Variants in NHEJ1 observed in about 807,000 individuals in gnomAD.
The protein encoded by NHEJ1 is non-homologous end-joining factor 1.
Under a neutral mutation model 39.4 loss-of-function variants are expected in NHEJ1, and 22 were observed. The ratio of observed to expected loss-of-function variants is 0.56; its 90% CI spans 0.40 to 0.80. The LOEUF (loss-of-function observed/expected upper bound fraction) is 0.80. Ranked by LOEUF, NHEJ1 falls within the 30% of genes least tolerant of loss-of-function variation. The pLI is 0.00. For missense variants in NHEJ1, 329 were observed against 357.1 expected (o/e 0.92, Z 0.63); for synonymous variants, 154 against 135.6 (o/e 1.14, Z -0.94).
At chr2:219,103,169 A>C (rs1375977395) in intron 5 of NHEJ1, among the ~76,000 whole-genome samples, 2 of 144,722 alleles carry the variant, frequency 1.4e-5, no homozygotes, top group Non-Finnish European at 1.5e-5. Flanking sequence ...AAAAGCAAAA[A>C]CGGGAAAAAA....
chr2:219,095,720 T>G (rs1020241794), intron 5 of NHEJ1, among the ~76,000 whole-genome samples: 1 of 151,958 alleles, frequency 6.6e-6, no homozygotes, highest in African/African-American at 2.4e-5. Flanking sequence ...ATAAATGCAA[T>G]CAGAGAGCTA....
intron 5 of NHEJ1, among the ~76,000 whole-genome samples, chr2:219,101,087 T>C (rs1455727890): frequency 6.6e-6 from 1 of 152,182 alleles, no homozygotes; most frequent in Non-Finnish European, 1.5e-5. Context: ...TGGGTAACAG[T>C]GTATCATGGC....
intron 5 of NHEJ1, among the ~76,000 whole-genome samples, chr2:219,130,337 G>C (rs1949566323): frequency 6.6e-6 from 1 of 152,114 alleles, no homozygotes; most frequent in Non-Finnish European, 1.5e-5. Flanking sequence ...TTTCAGGAGA[G>C]AGGGGCTGTA....
At chr2:219,118,596 G>T (rs187775069) in intron 5 of NHEJ1, among the ~76,000 whole-genome samples, 27 of 152,312 alleles carry the variant, frequency 1.8e-4, no homozygotes, top group Admixed American at 5.9e-4. Flanking sequence ...CTCTGTGATG[G>T]CTGTGTCTGT....
At position 219,111,490 on chromosome 2, in the gene NHEJ1, A is replaced by T. The variant is rs901084419; in HGVS notation, c.589-33284T>A. Among the ~76,000 whole-genome samples, 1 of 152,166 alleles carries T rather than the reference A, an allele frequency of 6.6e-6. No individual in the cohort carries two copies. The highest frequency in any genetic ancestry group is 2.4e-5 in the African/African-American group (1 of 41,436). ...TCTCTGTCCCCTGACCCCTAGAAAAAATCTAGTTATCCCACACGCTTGGCC... is the reference window on the plus strand; with the variant it reads ...TCTCTGTCCCCTGACCCCTAGAAAATATCTAGTTATCCCACACGCTTGGCC... On this transcript the variant is annotated intron_variant, in intron 5 of 7. Coordinates refer to ENST00000356853, the MANE Select transcript of NHEJ1 (RefSeq NM_024782.3). The surrounding 1 kb of genome is among the most constrained non-coding windows in gnomAD (Gnocchi z 4.1).
At chr2:219,147,409 G>A (rs911474010) in intron 4 of NHEJ1, among the ~76,000 whole-genome samples, 10 of 152,324 alleles carry the variant, frequency 6.6e-5, no homozygotes, top group African/African-American at 2.2e-4. Context: ...TTGAGCCCAC[G>A]AGGCGGAAGT....
rs1338289879 is a variant in NHEJ1, at chr2:219,071,229, T to C, written c.*5152A>G. ...GTAGGAGGGAAAAGCCAGGATGAAG[T>C]GCCAGTCAAAAGGATCACCCTTCCC... On this transcript the variant is annotated 3_prime_UTR_variant, in exon 8 of 8. Coordinates refer to ENST00000356853, the MANE Select transcript of NHEJ1 (RefSeq NM_024782.3). Among the ~76,000 whole-genome samples the C allele has an allele frequency of 6.6e-6, 1 of 152,158 alleles. No individual in the cohort carries two copies. Among genetic ancestry groups the C allele is most frequent in the African/African-American group, 2.4e-5 (1 of 41,432 alleles).
chr2:219,077,939 C>A, intron 6 of NHEJ1, 150 bp downstream of exon 6: 1 of 683,978 alleles, frequency 1.5e-6, no homozygotes, highest in Non-Finnish European at 2.6e-6. Flanking sequence ...GTGGCTACTG[C>A]AAAAGAGAAA....
intron 5 of NHEJ1, among the ~76,000 whole-genome samples, chr2:219,078,759 C>T (rs927558671): frequency 1.3e-5 from 2 of 152,160 alleles, no homozygotes; most frequent in Admixed American, 6.5e-5. Flanking sequence ...GCTGTCCCAC[C>T]CTCCTTTACT....
intron 5 of NHEJ1, among the ~76,000 whole-genome samples, chr2:219,101,410 C>T (rs1295113208): frequency 8.6e-5 from 13 of 151,856 alleles, no homozygotes; most frequent in East Asian, 5.8e-4. Flanking sequence ...CCACCGCGCC[C>T]GGCCTATTTA....
chr2:219,119,839 A>C (rs1038249507), intron 5 of NHEJ1, among the ~76,000 whole-genome samples: 2 of 152,232 alleles, frequency 1.3e-5, no homozygotes, highest in Non-Finnish European at 2.9e-5. Context: ...CTAACTAGCC[A>C]GAACATTCTC....
chr2:219,113,619 C>A (rs1949385192), intron 5 of NHEJ1, among the ~76,000 whole-genome samples: 1 of 152,120 alleles, frequency 6.6e-6, no homozygotes, highest in South Asian at 2.1e-4. Context: ...TTTGTCCTGA[C>A]ATAGAAAAGA....
At position 219,074,922 on chromosome 2, in the gene NHEJ1, C is replaced by T. The variant is rs1559184234; in HGVS notation, c.*1459G>A. Among the ~76,000 whole-genome samples, 1 of 150,846 alleles carries T rather than the reference C, an allele frequency of 6.6e-6. No homozygotes were observed. Among genetic ancestry groups the T allele is most frequent in the South Asian group, 2.1e-4 (1 of 4,732 alleles). On this transcript the variant is annotated 3_prime_UTR_variant, in exon 8 of 8. Coordinates refer to ENST00000356853, the MANE Select transcript of NHEJ1 (RefSeq NM_024782.3). ...TGAGCCTTGGTGGAGATCTCAGACT[C>T]TGCTAGCAGGAAAAAGCATGAGGGT...
intron 3 of NHEJ1, among the ~76,000 whole-genome samples, chr2:219,153,833 C>T (rs1161791827): frequency 1.3e-5 from 2 of 152,074 alleles, no homozygotes; most frequent in Admixed American, 6.6e-5. Flanking sequence ...GTATGAGGAA[C>T]AGGTATTCTC....
In NHEJ1 at chr2:219,147,660, G is replaced by A. The variant is rs1304446470; in HGVS notation, c.526C>T (p.Arg176Ter). The change falls in exon 4 of 8, where the codon CGA becomes TGA. Residue 176 changes from arginine to a stop codon, truncating the protein, a stop_gained. Transcript: ENST00000356853. LOFTEE classifies it high-confidence loss of function. Reference protein sequence around the residue: ...DYQESGATLIRDRLKTEPFEE... With the variant: ...DYQESGATLI Reference sequence around the variant, plus strand: ...TCCTCCAAGAATGTCCTCTTACCTCGAATCAGCGTAGCCCCACTCTCCTGG... The same window carrying A: ...TCCTCCAAGAATGTCCTCTTACCTCAAATCAGCGTAGCCCCACTCTCCTGG... 5 of 1,614,060 alleles carry A rather than the reference G, an allele frequency of 3.1e-6. No homozygotes were observed. The highest frequency in any genetic ancestry group is 4.2e-6 in the Non-Finnish European group (5 of 1,179,992).
rs1949031314 is a variant in NHEJ1 at position 219,078,134 on chromosome 2, C to T, written c.661G>A (p.Val221Ile). The part of the protein sequence containing the change: ...VMNLQDLYMA[V>I]TTQEVQVGQK... ...CCCACTTGGACCTCTTGTGTGGTGA[C>T]TGCCATATACAGATCCTGCAGATTC... Residue 221 changes from valine (V) to isoleucine (I), a missense_variant, in exon 6 of 8, where the codon GTC (valine) becomes ATC (isoleucine). Physicochemically the swap from Val to Ile is conservative, Grantham distance 29. Coordinates refer to ENST00000356853, the MANE Select transcript of NHEJ1 (RefSeq NM_024782.3). The T allele has an allele frequency of 6.2e-7, 1 of 1,614,198 alleles. No individual in the cohort carries two copies. Among genetic ancestry groups the T allele is most frequent in the Non-Finnish European group, 8.5e-7 (1 of 1,180,030 alleles).
chr2:219,158,094 C>A, intron 2 of NHEJ1, 92 bp downstream of exon 2: 1 of 1,334,910 alleles, frequency 7.5e-7, no homozygotes. Flanking sequence ...GGAATTGTCT[C>A]AACCCGATTC....
intron 5 of NHEJ1, among the ~76,000 whole-genome samples, chr2:219,100,744 G>A (rs1055079282): frequency 5.3e-5 from 8 of 152,286 alleles, no homozygotes; most frequent in East Asian, 3.9e-4. Flanking sequence ...GCCAGACAGG[G>A]TTGAGGAAAG....
In NHEJ1 at chr2:219,111,597, A is replaced by G. The variant is rs1000210163; in HGVS notation, c.589-33391T>C. 6.6e-6 allele frequency among the ~76,000 whole-genome samples: 1 copy of G among 150,858 alleles called. No homozygotes were observed. Among genetic ancestry groups the G allele is most frequent in the Non-Finnish European group, 1.5e-5 (1 of 67,828 alleles). On this transcript the variant is annotated intron_variant, in intron 5 of 7. Coordinates refer to ENST00000356853, the MANE Select transcript of NHEJ1 (RefSeq NM_024782.3). The surrounding 1 kb of genome is among the most constrained non-coding windows in gnomAD (Gnocchi z 4.1). ...CAAGCCAGTGGGCTGCAGGTTCTGA[A>G]GACCAGAATTAAGTCTACAGTGTGA... is the stretch of plus-strand genomic sequence containing the variant.
Sources: gnomAD v4.1 joint callset for allele counts (sites outside exome capture counted in the v4.1 genomes callset) on GRCh38, gnomAD v4.1.1 for gene constraint, Gnocchi (gnomAD v3.1) non-coding constraint, MANE v1.5 for transcripts, NCBI Gene and HGNC (gene_info 2026-07-23, HGNC 2026-07-21) for gene names.